DAPK1: variants seen among roughly 807,000 people sequenced by gnomAD.
The protein encoded by DAPK1 is death-associated protein kinase 1.
In DAPK1, 56 loss-of-function variants were observed where a neutral mutation model predicts 144.9. That is an observed-to-expected ratio of 0.39 (90% CI 0.31 to 0.48). DAPK1 has a LOEUF of 0.48. Ranked by LOEUF, DAPK1 falls within the 20% of genes least tolerant of loss-of-function variation. The pLI, the probability that DAPK1 is intolerant of heterozygous loss-of-function variation, is 0.95. For missense variants in DAPK1, 1,454 were observed against 1,875.4 expected, an observed-to-expected ratio of 0.78 and a Z score of 4.15; for synonymous variants, 690 against 749.0, an observed-to-expected ratio of 0.92 and a Z score of 1.29.
intron 2 of DAPK1, among the ~76,000 whole-genome samples, chr9:87,547,752 T>C (rs1826313406): frequency 6.6e-6 from 1 of 152,120 alleles, no homozygotes; most frequent in Non-Finnish European, 1.5e-5. Flanking sequence ...ATCTGGACTC[T>C]GAAGGCCATC....
intron 2 of DAPK1, among the ~76,000 whole-genome samples, chr9:87,526,085 A>G (rs1469227730): frequency 1.3e-5 from 2 of 151,702 alleles, no homozygotes; most frequent in Non-Finnish European, 2.9e-5. Flanking sequence ...AGGCAAGAGG[A>G]TCGCTTACAG....
At chr9:87,656,493 G>T (rs1830632930) in intron 17 of DAPK1, among the ~76,000 whole-genome samples, 1 of 152,188 alleles carries the variant, frequency 6.6e-6, no homozygotes, top group African/African-American at 2.4e-5. Flanking sequence ...ATTTCACCCA[G>T]TCTTCAAAAC....
intron 2 of DAPK1, among the ~76,000 whole-genome samples, chr9:87,574,095 A>G (rs1827460345): frequency 6.6e-6 from 1 of 152,186 alleles, no homozygotes; most frequent in African/African-American, 2.4e-5. Flanking sequence ...TCACATCTTC[A>G]TTCCACCCAG....
chr9:87,509,474 C>T (rs1824748285), intron 2 of DAPK1, among the ~76,000 whole-genome samples: 1 of 152,134 alleles, frequency 6.6e-6, no homozygotes, highest in Admixed American at 6.5e-5. Context: ...GATTCTCCTG[C>T]CTCAGCCCCC....
At chr9:87,516,546 AT>A (rs113948500) in intron 2 of DAPK1, among the ~76,000 whole-genome samples, 6 of 148,320 alleles carry the variant, frequency 4.0e-5, no homozygotes, top group African/African-American at 7.5e-5. Flanking sequence ...AATAGCTGTG[AT>A]TTTTTTTTTC....
intron 22 of DAPK1, among the ~76,000 whole-genome samples, chr9:87,698,011 C>T (rs1443116227): frequency 6.6e-6 from 1 of 152,204 alleles, no homozygotes; most frequent in Non-Finnish European, 1.5e-5. Context: ...GTTATCTTAA[C>T]TTTATTCCTA....
chr9:87,593,936 A>G lies in DAPK1; in HGVS notation c.63-11018A>G, dbSNP rs550971805. On this transcript the variant is annotated intron_variant, in intron 2 of 25. Transcript: ENST00000408954. ...ATCAAACATGGAGCTGACCAGAACC[A>G]CTCGAGAGCCAGGGGGCTCAACTGG... Among the ~76,000 whole-genome samples the G allele has an allele frequency of 2.6e-5, 4 of 152,128 alleles. No homozygotes were observed. The South Asian group carries it at 8.3e-4, about 32-fold the overall frequency.
intron 21 of DAPK1, among the ~76,000 whole-genome samples, chr9:87,690,756 A>G (rs1473871985): frequency 2.0e-5 from 3 of 152,060 alleles, no homozygotes; most frequent in Non-Finnish European, 2.9e-5. Context: ...AGCTTTTATC[A>G]TGAAGGGATG....
intron 2 of DAPK1, among the ~76,000 whole-genome samples, chr9:87,535,572 A>AT (rs896540848): frequency 3.3e-5 from 5 of 151,506 alleles, no homozygotes; most frequent in East Asian, 1.9e-4. Context: ...TATAAATGTG[A>AT]TTTTTTTTTC....
At chr9:87,519,042 A>G (rs1001373497) in intron 2 of DAPK1, among the ~76,000 whole-genome samples, 8 of 152,244 alleles carry the variant, frequency 5.3e-5, no homozygotes, top group African/African-American at 1.7e-4. Context: ...AGTAAGTAAC[A>G]TCGGACTGAT....
At chr9:87,599,611 A>C (rs1365038876) in intron 2 of DAPK1, among the ~76,000 whole-genome samples, 1 of 152,212 alleles carries the variant, frequency 6.6e-6, no homozygotes, top group Non-Finnish European at 1.5e-5. Context: ...TGTTTATTAC[A>C]TTTAGTGGAA....
chr9:87,694,425 C>T (rs1011050366), intron 21 of DAPK1, among the ~76,000 whole-genome samples: 2 of 152,136 alleles, frequency 1.3e-5, no homozygotes, highest in Admixed American at 6.5e-5. Context: ...GCAGGCCTGT[C>T]GTCAGGTCCC....
intron 23 of DAPK1, 29 bp from the exon 24 acceptor site, chr9:87,700,088 T>C: frequency 1.9e-6 from 3 of 1,603,508 alleles, no homozygotes; most frequent in Non-Finnish European, 2.6e-6. Context: ...ATTGACTCAC[T>C]GCTGAGGAGG....
chr9:87,626,443 AC>A (rs1829496810), intron 3 of DAPK1, among the ~76,000 whole-genome samples: 2 of 41,672 alleles, frequency 4.8e-5, no homozygotes, highest in South Asian at 1.0e-3. Flanking sequence ...CAAACAAAAA[AC>A]AACAACAACA....
intron 2 of DAPK1, among the ~76,000 whole-genome samples, chr9:87,571,473 A>ACAC (rs377253457): frequency 1.7e-5 from 1 of 57,620 alleles, no homozygotes; most frequent in Non-Finnish European, 3.1e-5. Context: ...ACACACACAC[A>ACAC]CCAACACACA....
intron 3 of DAPK1, chr9:87,633,226 G>A: frequency 1.0e-6 from 1 of 984,366 alleles, no homozygotes; most frequent in Non-Finnish European, 1.2e-6. Context: ...TACATATGTA[G>A]GGATGAAGGA....
intron 2 of DAPK1, among the ~76,000 whole-genome samples, chr9:87,562,759 C>T (rs922073811): frequency 2.6e-5 from 4 of 152,260 alleles, no homozygotes; most frequent in Admixed American, 2.6e-4. Context: ...ATAAACCTTG[C>T]CAAGTGTAAT....
chr9:87,642,163 C>A, intron 10 of DAPK1, 105 bp downstream of exon 10: 1 of 839,742 alleles, frequency 1.2e-6, no homozygotes, highest in Non-Finnish European at 1.9e-6. Context: ...GAAGATACAT[C>A]CTTTCCTCTT....
chr9:87,659,545 T>A (rs1379919198), intron 18 of DAPK1, among the ~76,000 whole-genome samples: 1 of 152,240 alleles, frequency 6.6e-6, no homozygotes, highest in Non-Finnish European at 1.5e-5. Context: ...CTGACGCTGC[T>A]GATTCCCGCA....
Sources: gnomAD v4.1 joint callset for allele counts (sites outside exome capture counted in the v4.1 genomes callset) on GRCh38, gnomAD v4.1.1 for gene constraint, MANE v1.5 for transcripts, NCBI Gene and HGNC (gene_info 2026-07-23, HGNC 2026-07-21) for gene names.